Variants in GLIS3 observed in about 807,000 individuals in gnomAD.
GLIS3 encodes the protein zinc finger protein GLIS3.
In GLIS3, 53 loss-of-function variants were observed where a neutral mutation model predicts 78.6. The ratio of observed to expected loss-of-function variants is 0.67; its 90% CI spans 0.54 to 0.85. The LOEUF is 0.85. Among genes scored for constraint, GLIS3 ranks in the 40% least tolerant of loss-of-function variants. GLIS3 has a pLI of 0.00. For synonymous variants in GLIS3, 684 were observed against 509.9 expected (o/e 1.34, Z -4.60); for missense variants, 1,703 against 1,231.1 (o/e 1.38, Z -5.74).
chr9:4,363,666 T>C, the GLIS3 span, among the ~76,000 whole-genome samples: 1 of 152,214 alleles, frequency 6.6e-6, no homozygotes, highest in African/African-American at 2.4e-5. Context: ...TCTCTCCACC[T>C]CTATCAATTT....
At chr9:4,354,635 G>A in the GLIS3 span, among the ~76,000 whole-genome samples, 1 of 152,154 alleles carries the variant, frequency 6.6e-6, no homozygotes, top group Non-Finnish European at 1.5e-5. Flanking sequence ...CACTATTCAA[G>A]GGGCTTTCTC....
At chr9:4,225,818 T>C (rs1821722212) in intron 2 of GLIS3, among the ~76,000 whole-genome samples, 1 of 152,216 alleles carries the variant, frequency 6.6e-6, no homozygotes, top group Non-Finnish European at 1.5e-5. Context: ...GTCATGAATT[T>C]GAGAAGTAAG....
chr9:4,252,371 G>A (rs1451927493), intron 2 of GLIS3, among the ~76,000 whole-genome samples: 1 of 151,872 alleles, frequency 6.6e-6, no homozygotes, highest in Non-Finnish European at 1.5e-5. Flanking sequence ...TTTAATCTCT[G>A]ACATCCTTTC....
At chr9:4,172,712 A>G (rs1167631094) in intron 2 of GLIS3, among the ~76,000 whole-genome samples, 5 of 152,214 alleles carry the variant, frequency 3.3e-5, no homozygotes, top group Non-Finnish European at 7.3e-5. Context: ...AGGGTGAGGA[A>G]AGTCTATAAG....
the GLIS3 span, among the ~76,000 whole-genome samples, chr9:4,412,549 T>C: frequency 1.3e-5 from 2 of 152,206 alleles, no homozygotes; most frequent in African/African-American, 2.4e-5. Flanking sequence ...GACATGGATT[T>C]CAGCTTATTC....
At chr9:4,357,697 C>A in the GLIS3 span, among the ~76,000 whole-genome samples, 1 of 152,122 alleles carries the variant, frequency 6.6e-6, no homozygotes, top group Non-Finnish European at 1.5e-5. Context: ...GATTAGGTAT[C>A]AAAATTTACA....
the GLIS3 span, among the ~76,000 whole-genome samples, chr9:4,457,649 C>A: frequency 5.3e-5 from 8 of 151,718 alleles, no homozygotes; most frequent in Non-Finnish European, 1.2e-4. Flanking sequence ...AGATCGAGAC[C>A]ATCCTGGCCA....
chr9:4,057,979 T>C (rs961044498), intron 4 of GLIS3, among the ~76,000 whole-genome samples: 1 of 152,198 alleles, frequency 6.6e-6, no homozygotes, highest in Non-Finnish European at 1.5e-5. Flanking sequence ...TTATCTTTAT[T>C]CTGGGTTTTA....
intron 2 of GLIS3, among the ~76,000 whole-genome samples, chr9:4,313,824 G>A (rs1817399794): frequency 6.6e-6 from 1 of 152,226 alleles, no homozygotes; most frequent in Non-Finnish European, 1.5e-5. Flanking sequence ...TCCACTGGGT[G>A]TGTGTTGCAG....
intron 4 of GLIS3, among the ~76,000 whole-genome samples, chr9:4,033,838 T>C (rs1268532571): frequency 4.6e-5 from 6 of 129,224 alleles, no homozygotes; most frequent in African/African-American, 1.8e-4. Flanking sequence ...ATTTGTTTAA[T>C]TGCCCCCAAA....
At chr9:4,435,356 T>C in the GLIS3 span, among the ~76,000 whole-genome samples, 1 of 152,188 alleles carries the variant, frequency 6.6e-6, no homozygotes, top group South Asian at 2.1e-4. Context: ...GAAGGTTGGG[T>C]AATGTCCCAG....
At chr9:4,409,072 C>G in the GLIS3 span, among the ~76,000 whole-genome samples, 7 of 152,048 alleles carry the variant, frequency 4.6e-5, no homozygotes, top group Non-Finnish European at 7.4e-5. Flanking sequence ...CAAGGTGTAA[C>G]TTATCAAATT....
intron 1 of GLIS3, among the ~76,000 whole-genome samples, chr9:4,291,140 G>T (rs192126206): frequency 3.3e-5 from 5 of 152,182 alleles, no homozygotes; most frequent in Admixed American, 2.0e-4. Context: ...CACTCCCAAG[G>T]CCTAACGTTG....
chr9:3,984,319 G>A lies in GLIS3; in HGVS notation c.1711-47130C>T, dbSNP rs564605143. ...GGGACGCTATACCCCGCAAAGCCAC[G>A]GGCAGAGCTGCCCAAGACCATGGGA... On this transcript the variant is annotated intron_variant, in intron 4 of 10. Coordinates refer to ENST00000381971, the MANE Select transcript of GLIS3 (RefSeq NM_001042413.2). Among the ~76,000 whole-genome samples the A allele has an allele frequency of 1.4e-4, 21 of 152,328 alleles. No homozygotes were observed. The East Asian group carries it at 1.7e-3, about 13-fold the overall frequency.
intron 2 of GLIS3, among the ~76,000 whole-genome samples, chr9:4,192,624 C>G (rs1039254303): frequency 1.3e-5 from 2 of 152,114 alleles, no homozygotes; most frequent in Non-Finnish European, 2.9e-5. Context: ...TTTGTCCATT[C>G]ATTCATGCAT....
intron 4 of GLIS3, among the ~76,000 whole-genome samples, chr9:3,970,595 C>T (rs1818307814): frequency 6.6e-6 from 1 of 152,160 alleles, no homozygotes; most frequent in African/African-American, 2.4e-5. Flanking sequence ...GGACAGCCCT[C>T]ATAACAAAGA....
chr9:3,976,676 GA>G (rs1818813620), intron 4 of GLIS3, among the ~76,000 whole-genome samples: 2 of 151,198 alleles, frequency 1.3e-5, no homozygotes, highest in Admixed American at 6.6e-5. Flanking sequence ...GCAAGAGCCA[GA>G]AGTGAAGAAT....
At chr9:4,372,405 TA>T in the GLIS3 span, among the ~76,000 whole-genome samples, 2 of 152,102 alleles carry the variant, frequency 1.3e-5, no homozygotes, top group Non-Finnish European at 2.9e-5. Flanking sequence ...CATGGTTAGC[TA>T]ATTCCTAGAG....
chr9:4,185,375 G>C (rs900939995), intron 2 of GLIS3, among the ~76,000 whole-genome samples: 2 of 152,138 alleles, frequency 1.3e-5, no homozygotes, highest in Admixed American at 6.6e-5. Context: ...CATTTGGATT[G>C]CTTCTATTTT....
Sources: gnomAD v4.1 joint callset for allele counts (sites outside exome capture counted in the v4.1 genomes callset) on GRCh38, gnomAD v4.1.1 for gene constraint, MANE v1.5 for transcripts, NCBI Gene and HGNC (gene_info 2026-07-23, HGNC 2026-07-21) for gene names.